The following TLE4 variants were observed in gnomAD, a reference collection of about 807,000 sequenced individuals.
The protein encoded by TLE4 is TLE family member 4, transcriptional corepressor, also known as transducin-like enhancer protein 4.
A neutral mutation model predicts 92.8 loss-of-function variants in TLE4; 8 were observed. That is an observed-to-expected ratio of 0.09 (90% CI 0.05 to 0.16). The LOEUF (loss-of-function observed/expected upper bound fraction) is 0.16, where lower values mean the gene tolerates loss of function less well. Among genes scored for constraint, TLE4 ranks in the 10% least tolerant of loss-of-function variants. TLE4 has a pLI of 1.00. For missense variants in TLE4, 675 were observed against 997.6 expected (o/e 0.68, Z 4.36); for synonymous variants, 371 against 374.1 (o/e 0.99, Z 0.10).
chr9:79,716,411 G>T (rs1198968452), intron 14 of TLE4, among the ~76,000 whole-genome samples: 2 of 152,136 alleles, frequency 1.3e-5, no homozygotes, highest in Admixed American at 1.3e-4. Context: ...CTGAAAATGT[G>T]TGTGTATATT....
chr9:79,606,184 G>GTTTTTTTTTT (rs1288414778), intron 4 of TLE4, among the ~76,000 whole-genome samples: 4 of 18,408 alleles, frequency 2.2e-4, no homozygotes, highest in African/African-American at 1.6e-4. Context: ...AGCAGTAGTA[G>GTTTTTTTTTT]TTGTTTTTTT....
At chr9:79,678,618 C>T (rs942142283) in intron 8 of TLE4, among the ~76,000 whole-genome samples, 1 of 148,640 alleles carries the variant, frequency 6.7e-6, no homozygotes, top group African/African-American at 2.5e-5. Context: ...TATTGTTTTT[C>T]TTTTTTTTTT....
intron 8 of TLE4, among the ~76,000 whole-genome samples, chr9:79,668,350 C>T (rs959744269): frequency 1.3e-5 from 2 of 152,142 alleles, no homozygotes; most frequent in African/African-American, 4.8e-5. Context: ...GCCAGGAGGG[C>T]TTGGCAGGAG....
At chr9:79,596,107 A>G (rs893474681) in intron 4 of TLE4, among the ~76,000 whole-genome samples, 1 of 152,054 alleles carries the variant, frequency 6.6e-6, no homozygotes, top group South Asian at 2.1e-4. Flanking sequence ...TGGCCTCCCA[A>G]AGTGCTGGGA....
intron 8 of TLE4, chr9:79,663,353 G>A (rs2060856768): frequency 6.6e-6 from 1 of 152,204 alleles, no homozygotes. Context: ...AAGTTAAAAT[G>A]AAATAGAATT....
intron 8 of TLE4, among the ~76,000 whole-genome samples, chr9:79,680,280 T>C (rs1227318594): frequency 1.3e-5 from 2 of 152,006 alleles, no homozygotes; most frequent in East Asian, 1.9e-4. Context: ...GTTTGTATCC[T>C]CTTTTATTTC....
At chr9:79,709,754 G>A in intron 14 of TLE4, 55 bp downstream of exon 14, 1 of 1,512,116 alleles carries the variant, frequency 6.6e-7, no homozygotes, top group South Asian at 1.1e-5. Flanking sequence ...GTCCCTTGCT[G>A]GCCCCGTAGA....
chr9:79,666,731 AG>A (rs1271011022), intron 8 of TLE4, among the ~76,000 whole-genome samples: 1 of 152,210 alleles, frequency 6.6e-6, no homozygotes, highest in African/African-American at 2.4e-5. Flanking sequence ...GAAAATGTTT[AG>A]GGGAAAAAAA....
chr9:79,680,178 A>G (rs895959061), intron 8 of TLE4, among the ~76,000 whole-genome samples: 435 of 151,768 alleles, frequency 2.9e-3, no homozygotes, highest in African/African-American at 9.9e-3. Flanking sequence ...CTTGATGGGG[A>G]TGGCATTGAA....
chr9:79,700,242 C>A (rs2069426303), intron 8 of TLE4, among the ~76,000 whole-genome samples: 1 of 152,254 alleles, frequency 6.6e-6, no homozygotes, highest in Admixed American at 6.5e-5. Context: ...TAAGTGAAGA[C>A]TCTAGACTCA....
Position 79,708,630 on chromosome 9 carries a change from A to G in TLE4, c.1107A>G (p.Pro369=), listed in dbSNP as rs887929908. The G allele has an allele frequency of 2.5e-5, 40 of 1,613,960 alleles. No homozygotes were observed. The highest frequency in any genetic ancestry group is 2.7e-5 in the Non-Finnish European group (32 of 1,180,036). Residue 369 remains proline, a synonymous_variant, in exon 13 of 20, where the codon CCA becomes CCG. Transcript: ENST00000376552. ...SLRTPMAVPC[P]YPTPFGIVPH... The stretch of plus-strand genomic sequence containing the variant: ...GGACCCCAATGGCAGTACCTTGTCC[A>G]TATCCAACTCCATTTGGGATTGTGC...
At chr9:79,689,328 T>G (rs761396952) in intron 8 of TLE4, among the ~76,000 whole-genome samples, 1 of 140,568 alleles carries the variant, frequency 7.1e-6, no homozygotes, top group Admixed American at 7.0e-5. Context: ...TTTATTGTTG[T>G]TTTTTTTTTT....
At chr9:79,604,600 A>G (rs1316438791) in intron 4 of TLE4, among the ~76,000 whole-genome samples, 1 of 152,154 alleles carries the variant, frequency 6.6e-6, no homozygotes, top group Non-Finnish European at 1.5e-5. Context: ...TGCAGGATAG[A>G]TGGAGATTTC....
chr9:79,717,018 A>G (rs1287267109), intron 14 of TLE4, among the ~76,000 whole-genome samples: 9 of 152,154 alleles, frequency 5.9e-5, no homozygotes, highest in Admixed American at 3.9e-4. Context: ...ATCTACTTCC[A>G]TAACTACTCT....
At chr9:79,702,788 A>G (rs2070333637) in intron 8 of TLE4, among the ~76,000 whole-genome samples, 1 of 152,250 alleles carries the variant, frequency 6.6e-6, no homozygotes, top group South Asian at 2.1e-4. Context: ...CTCCCCCACC[A>G]AACTCCCACC....
intron 6 of TLE4, among the ~76,000 whole-genome samples, chr9:79,649,252 A>G (rs902015863): frequency 3.0e-5 from 4 of 131,882 alleles, no homozygotes; most frequent in Non-Finnish European, 3.2e-5. Flanking sequence ...GTGCGAAGAC[A>G]GGGACGGACA....
intron 8 of TLE4, among the ~76,000 whole-genome samples, chr9:79,701,745 T>C (rs993740414): frequency 6.6e-6 from 1 of 152,162 alleles, no homozygotes; most frequent in African/African-American, 2.4e-5. Flanking sequence ...AGAAAAGGAA[T>C]GTATCATAAG....
intron 8 of TLE4, among the ~76,000 whole-genome samples, chr9:79,656,393 G>A (rs2059786426): frequency 6.6e-6 from 1 of 152,156 alleles, no homozygotes; most frequent in Non-Finnish European, 1.5e-5. Context: ...CATTTAACAG[G>A]TAATGAACGT....
chr9:79,573,854 A>G, intron 2 of TLE4, 68 bp downstream of exon 2: 2 of 1,186,764 alleles, frequency 1.7e-6, no homozygotes, highest in Non-Finnish European at 2.3e-6. Flanking sequence ...AATACACACA[A>G]ACACTTACCC....
Sources: allele counts gnomAD v4.1 joint callset (sites outside exome capture counted in the v4.1 genomes callset), GRCh38; gene constraint gnomAD v4.1.1; transcripts MANE v1.5; gene names NCBI Gene and HGNC (gene_info 2026-07-23, HGNC 2026-07-21).